BOLA3: variants seen among roughly 807,000 people sequenced by gnomAD.
BOLA3 encodes the protein bolA-like protein 3.
In BOLA3, 8 loss-of-function variants were observed where a neutral mutation model predicts 14.5. The ratio of observed to expected loss-of-function variants is 0.55; its 90% CI spans 0.32 to 0.99. The LOEUF (loss-of-function observed/expected upper bound fraction) is 0.99. Among genes scored for constraint, BOLA3 ranks in the 50% least tolerant of loss-of-function variants. The pLI is 0.04. For missense variants in BOLA3, 115 were observed against 138.2 expected, an observed-to-expected ratio of 0.83 and a Z score of 0.84; for synonymous variants, 42 against 45.7, an observed-to-expected ratio of 0.92 and a Z score of 0.33.
chr2:74,147,138 G>A (rs532052528), intron 1 of BOLA3: 2 of 152,478 alleles, frequency 1.3e-5, no homozygotes, highest in East Asian at 3.9e-4. Context: ...TCATCTTAGC[G>A]GATCTGTGGG....
In BOLA3 at chr2:74,138,680, C is replaced by T. The variant is rs1326730407; in HGVS notation, c.259-3022G>A. 7.9e-5 allele frequency among the ~76,000 whole-genome samples: 12 copies of T among 152,302 alleles called. No individual in the cohort carries two copies. The East Asian group carries it at 1.9e-3, about 25-fold the overall frequency. On this transcript the variant is annotated intron_variant, in intron 3 of 3. Coordinates refer to ENST00000327428, the MANE Select transcript of BOLA3 (RefSeq NM_212552.3). ...GGATTCTGGGCAACCAGGGGAGCCA[C>T]GTAAAGGCTCTGAGCAGGGGAAAGA... is the stretch of plus-strand genomic sequence containing the variant.
intron 2 of BOLA3, 117 bp downstream of exon 2, chr2:74,145,072 A>G (rs936623637): frequency 5.5e-6 from 4 of 723,646 alleles, no homozygotes; most frequent in Admixed American, 3.9e-5. Context: ...CAGCAGCAAC[A>G]CATCTTGAGA....
chr2:74,137,179 T>C (rs1335722400), intron 3 of BOLA3, among the ~76,000 whole-genome samples: 1 of 152,248 alleles, frequency 6.6e-6, no homozygotes, highest in African/African-American at 2.4e-5. Flanking sequence ...GGTCATTATG[T>C]GCCACTGGCC....
intron 3 of BOLA3, 115 bp downstream of exon 3, chr2:74,142,157 T>C: frequency 1.3e-6 from 1 of 787,414 alleles, no homozygotes; most frequent in Non-Finnish European, 2.3e-6. Context: ...TGTTTCGTGA[T>C]TGCAGTACTG....
Position 74,143,717 on chromosome 2 carries a change from G to A in BOLA3, c.170-1357C>T, listed in dbSNP as rs189750602. Reference sequence around the variant, plus strand: ...TTTTTTCTTTTTGAGACAGAGTTTCGCTCTTGTCGCCCAGGCTGGAGTGCA... The same window carrying A: ...TTTTTTCTTTTTGAGACAGAGTTTCACTCTTGTCGCCCAGGCTGGAGTGCA... On this transcript the variant is annotated intron_variant, in intron 2 of 3. Coordinates refer to ENST00000327428, the MANE Select transcript of BOLA3 (RefSeq NM_212552.3). Among the ~76,000 whole-genome samples the A allele has an allele frequency of 6.6e-3, 1,007 of 151,528 alleles. 8 individuals carry two copies. The highest frequency in any genetic ancestry group is 0.011 in the Non-Finnish European group (713 of 67,854).
At chr2:74,144,071 T>A (rs1692496426) in intron 2 of BOLA3, among the ~76,000 whole-genome samples, 1 of 149,390 alleles carries the variant, frequency 6.7e-6, no homozygotes, top group Non-Finnish European at 1.5e-5. Flanking sequence ...AGTGGCATGA[T>A]CTTGGCTCAC....
intron 3 of BOLA3, among the ~76,000 whole-genome samples, chr2:74,141,550 G>A (rs1023809128): frequency 2.6e-5 from 4 of 152,038 alleles, no homozygotes; most frequent in Non-Finnish European, 2.9e-5. Context: ...GAGGGTGCAC[G>A]CAGAGAAGGG....
At chr2:74,142,124 G>T (rs1034241650) in intron 3 of BOLA3, 148 bp downstream of exon 3, 1 of 666,620 alleles carries the variant, frequency 1.5e-6, no homozygotes, top group Non-Finnish European at 2.7e-6. Flanking sequence ...TCCCAGATTC[G>T]ATTTTTCTCA....
In BOLA3 at chr2:74,145,315, CAG is replaced by C. The variant is rs1692524191; in HGVS notation, c.55-14_55-13del. The C allele has an allele frequency of 1.1e-5, 16 of 1,486,428 alleles. No individual in the cohort carries two copies. The highest frequency in any genetic ancestry group is 1.5e-5 in the Non-Finnish European group (16 of 1,063,620). 92.1% of individuals were successfully genotyped at this position (1,486,428 alleles called of 1,614,324 possible). A position where few individuals can be genotyped will look rare whatever the true frequency, so the allele number is the denominator to read the frequency against. On this transcript the variant is annotated splice_polypyrimidine_tract_variant and intron_variant, in intron 1 of 3. Transcript: ENST00000327428. ...TGGTGAAGTGGAAGCTGCCACAGAA[CAG>C]AGAGGAAGGTCAGGGCAGAGGAAGA...
rs139556636 is a variant in BOLA3 at position 74,139,018 on chromosome 2, C to T, written c.258+3254G>A. The stretch of plus-strand genomic sequence containing the variant: ...CCCTCAACATCTAGGCCTCCTAGGG[C>T]GTGGCCCACAGCAAATGCCCAGTAA... On this transcript the variant is annotated intron_variant, in intron 3 of 3. Coordinates refer to ENST00000327428, the MANE Select transcript of BOLA3 (RefSeq NM_212552.3). Among the ~76,000 whole-genome samples, 41 of 152,284 alleles carry T rather than the reference C, an allele frequency of 2.7e-4. No individual in the cohort carries two copies. The East Asian group carries it at 7.2e-3, about 27-fold the overall frequency.
chr2:74,147,801 C>A lies in BOLA3; in HGVS notation c.54+20G>T. On this transcript the variant is annotated intron_variant, in intron 1 of 3. Coordinates refer to ENST00000327428, the MANE Select transcript of BOLA3 (RefSeq NM_212552.3). ...AGCTCCCGTCCCGGGGAGAGCAGCC[C>A]CGACCCTGCCCACGCTCACCCCGCG... is the stretch of plus-strand genomic sequence containing the variant. The A allele has an allele frequency of 6.5e-7, 1 of 1,529,958 alleles. No individual in the cohort carries two copies. Among genetic ancestry groups the A allele is most frequent in the Non-Finnish European group, 8.7e-7 (1 of 1,144,786 alleles). The allele number at this position is 1,529,958 out of a possible 1,614,324, so 94.8% of individuals were successfully genotyped here. A position where few individuals can be genotyped will look rare whatever the true frequency, so the allele number is the denominator to read the frequency against.
intron 1 of BOLA3, chr2:74,147,484 G>C (rs1692567635): frequency 2.9e-6 from 1 of 347,048 alleles, no homozygotes; most frequent in Non-Finnish European, 5.3e-6. Context: ...CTTGACTCTG[G>C]GCTATGACTC....
At chr2:74,142,936 T>C (rs1036300520) in intron 2 of BOLA3, among the ~76,000 whole-genome samples, 1 of 152,116 alleles carries the variant, frequency 6.6e-6, no homozygotes, top group South Asian at 2.1e-4. Context: ...ATCCTGGCTT[T>C]TGGGGGGAGA....
At chr2:74,135,876 C>T (rs1692315992) in intron 3 of BOLA3, among the ~76,000 whole-genome samples, 1 of 151,806 alleles carries the variant, frequency 6.6e-6, no homozygotes, top group Non-Finnish European at 1.5e-5. Context: ...GGGAAGTCTC[C>T]CTCCTATACC....
At chr2:74,144,510 T>G (rs1421884955) in intron 2 of BOLA3, among the ~76,000 whole-genome samples, 1 of 151,474 alleles carries the variant, frequency 6.6e-6, no homozygotes, top group Non-Finnish European at 1.5e-5. Context: ...CGGGCCGTTC[T>G]GTGTGTACGT....
chr2:74,144,477 T>C (rs1159189794), intron 2 of BOLA3, among the ~76,000 whole-genome samples: 1 of 152,246 alleles, frequency 6.6e-6, no homozygotes, highest in East Asian at 1.9e-4. Flanking sequence ...TTCAGACTGA[T>C]GCCTATCCAG....
At chr2:74,144,194 C>G (rs936330305) in intron 2 of BOLA3, among the ~76,000 whole-genome samples, 3 of 141,012 alleles carry the variant, frequency 2.1e-5, no homozygotes, top group African/African-American at 7.8e-5. Flanking sequence ...TTAGTAGAGA[C>G]GGGGGGGTTT....
At chr2:74,144,562 G>A (rs766724729) in intron 2 of BOLA3, among the ~76,000 whole-genome samples, 18 of 152,306 alleles carry the variant, frequency 1.2e-4, no homozygotes, top group Admixed American at 9.8e-4. Flanking sequence ...TCCCCATCCT[G>A]TGGATGCAGA....
At chr2:74,143,422 G>A (rs1692484349) in intron 2 of BOLA3, among the ~76,000 whole-genome samples, 1 of 152,178 alleles carries the variant, frequency 6.6e-6, no homozygotes, top group East Asian at 1.9e-4. Context: ...GCCTCCCAAA[G>A]TGCTGGGATT....
Sources: allele counts gnomAD v4.1 joint callset (sites outside exome capture counted in the v4.1 genomes callset), GRCh38; gene constraint gnomAD v4.1.1; transcripts MANE v1.5; gene names NCBI Gene and HGNC (gene_info 2026-07-23, HGNC 2026-07-21).